KCNIP1: variants seen among roughly 807,000 people sequenced by gnomAD.
The protein encoded by KCNIP1 is A-type potassium channel modulatory protein KCNIP1.
Under a neutral mutation model 33.0 loss-of-function variants are expected in KCNIP1, and 18 were observed. The ratio of observed to expected loss-of-function variants is 0.55; its 90% CI spans 0.38 to 0.81. KCNIP1 has a LOEUF of 0.81. Ranked by LOEUF, KCNIP1 falls within the 30% of genes least tolerant of loss-of-function variation. The pLI is 0.00. For synonymous variants in KCNIP1, 93 were observed against 98.3 expected, an observed-to-expected ratio of 0.95 and a Z score of 0.32; for missense variants, 238 against 271.6, an observed-to-expected ratio of 0.88 and a Z score of 0.87.
chr5:170,452,000 G>T (rs1756267105), intron 1 of KCNIP1, among the ~76,000 whole-genome samples: 1 of 152,108 alleles, frequency 6.6e-6, no homozygotes, highest in African/African-American at 2.4e-5. Flanking sequence ...GTAACTGTAA[G>T]GCCATCCTCA....
intron 1 of KCNIP1, among the ~76,000 whole-genome samples, chr5:170,427,761 C>T (rs555797233): frequency 4.5e-4 from 68 of 152,286 alleles, no homozygotes; most frequent in African/African-American, 1.6e-3. Flanking sequence ...CACCCCTTCG[C>T]CTTCATCTCA....
intron 1 of KCNIP1, among the ~76,000 whole-genome samples, chr5:170,416,717 A>C (rs940891136): frequency 3.3e-5 from 5 of 152,182 alleles, no homozygotes; most frequent in African/African-American, 1.2e-4. Flanking sequence ...AGAAAAAAAA[A>C]AAGTGCAGCT....
At chr5:170,646,184 A>G (rs1223039947) in intron 1 of KCNIP1, among the ~76,000 whole-genome samples, 1 of 152,222 alleles carries the variant, frequency 6.6e-6, no homozygotes. Flanking sequence ...AAAATGTATC[A>G]ATTCTCTACA....
intron 1 of KCNIP1, among the ~76,000 whole-genome samples, chr5:170,372,746 C>T (rs314148): frequency 0.46 from 70,486 of 152,004 alleles, 16,433 homozygotes; most frequent in Admixed American, 0.52. Flanking sequence ...TTTGAACATG[C>T]GGAATCAAAG....
chr5:170,567,492 T>G (rs1330904929), intron 1 of KCNIP1, among the ~76,000 whole-genome samples: 2 of 152,108 alleles, frequency 1.3e-5, no homozygotes, highest in African/African-American at 4.8e-5. Context: ...ATGAGGATCA[T>G]AGAGGAGATC....
At chr5:170,510,322 T>A (rs553806179) in intron 1 of KCNIP1, among the ~76,000 whole-genome samples, 8 of 152,364 alleles carry the variant, frequency 5.3e-5, no homozygotes, top group Non-Finnish European at 1.0e-4. Flanking sequence ...AGGGCCTCTG[T>A]CAGGCCTGAC....
intron 1 of KCNIP1, among the ~76,000 whole-genome samples, chr5:170,569,957 A>G (rs1306812435): frequency 6.6e-6 from 1 of 152,182 alleles, no homozygotes; most frequent in African/African-American, 2.4e-5. Flanking sequence ...AAGCATCTAG[A>G]CATTTGATAT....
chr5:170,722,216 C>T (rs747177163), intron 4 of KCNIP1, among the ~76,000 whole-genome samples: 11 of 152,094 alleles, frequency 7.2e-5, no homozygotes, highest in Non-Finnish European at 1.5e-4. Flanking sequence ...CCCACAATAA[C>T]CCTATAGGGT....
chr5:170,663,770 A>C (rs1761588292), intron 1 of KCNIP1, among the ~76,000 whole-genome samples: 1 of 150,056 alleles, frequency 6.7e-6, no homozygotes, highest in Non-Finnish European at 1.5e-5. Flanking sequence ...CTGCACCGAA[A>C]TCTCTCTCCT....
Position 170,722,723 on chromosome 5 carries a change from C to T in KCNIP1, c.338C>T (p.Thr113Ile), listed in dbSNP as rs1427265366. The T allele has an allele frequency of 3.1e-6, 5 of 1,612,358 alleles. No homozygotes were observed. In the Admixed American group the frequency reaches 8.3e-5, roughly 27 times the overall value. The change falls in exon 5 of 8, where the codon ACC (threonine) becomes ATC (isoleucine). Residue 113 changes from threonine (T) to isoleucine (I), a missense_variant. Transcript: ENST00000328939. Reference protein sequence around the residue: ...TGSVKFEDFVTALSILLRGTV... With the variant: ...TGSVKFEDFVIALSILLRGTV... ...TTTTCCCCTTCTCAGGACTTTGTAA[C>T]CGCTCTGTCGATTTTATTGAGAGGA...
chr5:170,483,914 A>G (rs1378707747), intron 1 of KCNIP1: 2 of 152,254 alleles, frequency 1.3e-5, no homozygotes, highest in Admixed American at 6.5e-5. Context: ...ATGCACTTAG[A>G]CAGCCTGGGG....
chr5:170,513,907 T>A (rs1210129758), intron 1 of KCNIP1, among the ~76,000 whole-genome samples: 1 of 152,190 alleles, frequency 6.6e-6, no homozygotes, highest in Non-Finnish European at 1.5e-5. Context: ...AAAAAAGTAA[T>A]CTTTTTATTT....
At chr5:170,508,256 A>C (rs550547823) in intron 1 of KCNIP1, among the ~76,000 whole-genome samples, 26 of 152,338 alleles carry the variant, frequency 1.7e-4, no homozygotes, top group Non-Finnish European at 3.7e-4. Flanking sequence ...TAGTCATAGC[A>C]TAGGTGAGCT....
intron 1 of KCNIP1, among the ~76,000 whole-genome samples, chr5:170,421,176 C>T (rs1202491204): frequency 6.6e-6 from 1 of 152,214 alleles, no homozygotes; most frequent in East Asian, 1.9e-4. Flanking sequence ...ATGGAGCAAA[C>T]TCAAGTCACT....
At chr5:170,520,368 A>G (rs755397628) in intron 1 of KCNIP1, among the ~76,000 whole-genome samples, 2 of 152,130 alleles carry the variant, frequency 1.3e-5, no homozygotes, top group Non-Finnish European at 2.9e-5. Flanking sequence ...TACACCTACT[A>G]CCTAGTATTA....
intron 1 of KCNIP1, among the ~76,000 whole-genome samples, chr5:170,448,469 G>A (rs1265995613): frequency 6.6e-6 from 1 of 152,258 alleles, no homozygotes; most frequent in East Asian, 1.9e-4. Context: ...GGGGCTTGGA[G>A]GAGTGGCTGC....
At chr5:170,720,529 G>GA in intron 3 of KCNIP1, 139 bp downstream of exon 3, 1 of 695,292 alleles carries the variant, frequency 1.4e-6, no homozygotes, top group Non-Finnish European at 2.6e-6. Flanking sequence ...CTCCCTCATC[G>GA]TGAGAGGTGG....
chr5:170,716,350 C>A (rs1472721062), intron 1 of KCNIP1, among the ~76,000 whole-genome samples: 1 of 152,188 alleles, frequency 6.6e-6, no homozygotes, highest in Non-Finnish European at 1.5e-5. Context: ...TGTGTGTATA[C>A]TGGGTTGTGA....
At chr5:170,634,074 C>T (rs1170143978) in intron 1 of KCNIP1, among the ~76,000 whole-genome samples, 1 of 151,968 alleles carries the variant, frequency 6.6e-6, no homozygotes, top group Non-Finnish European at 1.5e-5. Flanking sequence ...GTTGACAGAC[C>T]AAAGTTGAGG....
Sources: gnomAD v4.1 joint callset for allele counts (sites outside exome capture counted in the v4.1 genomes callset) on GRCh38, gnomAD v4.1.1 for gene constraint, MANE v1.5 for transcripts, NCBI Gene and HGNC (gene_info 2026-07-23, HGNC 2026-07-21) for gene names.